SLC25A14: variants seen among roughly 807,000 people sequenced by gnomAD.
SLC25A14 encodes solute carrier family 25 member 14, also known as brain mitochondrial carrier protein 1.
Under a neutral mutation model 28.1 loss-of-function variants are expected in SLC25A14, and 8 were observed. The observed-to-expected ratio is 0.28, with a 90% confidence interval of 0.17 to 0.51. The LOEUF (loss-of-function observed/expected upper bound fraction) is 0.51. Among genes scored for constraint, SLC25A14 ranks in the 20% least tolerant of loss-of-function variants. SLC25A14 has a pLI of 0.97. For missense variants in SLC25A14, 135 were observed against 263.8 expected, an observed-to-expected ratio of 0.51 and a Z score of 3.38; for synonymous variants, 74 against 90.6, an observed-to-expected ratio of 0.82 and a Z score of 1.04.
chrX:130,341,086 C>T (rs2033245139), intron 2 of SLC25A14, among the ~76,000 whole-genome samples: 1 of 111,934 alleles, frequency 8.9e-6, no homozygotes, highest in African/African-American at 3.3e-5. Flanking sequence ...CCCTGCCCCT[C>T]TCCCTTACCT....
At chrX:130,344,613 G>T (rs1197976639) in intron 2 of SLC25A14, among the ~76,000 whole-genome samples, 1 of 111,799 alleles carries the variant, frequency 8.9e-6, no homozygotes, top group Non-Finnish European at 1.9e-5. Flanking sequence ...CATTCCTTTG[G>T]GCGCTAGAAG....
chrX:130,363,741 A>C (rs1198372377), intron 7 of SLC25A14, among the ~76,000 whole-genome samples: 2 of 110,816 alleles, frequency 1.8e-5, no homozygotes, highest in Non-Finnish European at 3.8e-5. Context: ...AATTTTTTTA[A>C]ATTTTTTTTT....
At chrX:130,358,994 C>G (rs557014728) in intron 7 of SLC25A14, 3 of 1,023,264 alleles carry the variant, frequency 2.9e-6, no homozygotes, top group African/African-American at 1.9e-5. Context: ...TGTAGTTGTT[C>G]AGTGTATTTT....
intron 9 of SLC25A14, among the ~76,000 whole-genome samples, chrX:130,366,831 T>C (rs1430885326): frequency 8.9e-6 from 1 of 112,112 alleles, no homozygotes; most frequent in Non-Finnish European, 1.9e-5. Context: ...GGGAGAACTT[T>C]CGCAGCTCCC....
At chrX:130,355,928 C>T (rs748494286) in intron 6 of SLC25A14, among the ~76,000 whole-genome samples, 1 of 111,575 alleles carries the variant, frequency 9.0e-6, no homozygotes, top group East Asian at 2.8e-4. Flanking sequence ...TTCTCTAAAT[C>T]TTCTCTCTCT....
chrX:130,358,611 A>G lies in SLC25A14; in HGVS notation c.499-29A>G. On this transcript the variant is annotated intron_variant, in intron 6 of 10. Coordinates refer to ENST00000545805, the MANE Select transcript of SLC25A14 (RefSeq NM_001282195.2). Reference sequence around the variant, plus strand: ...TTAGCATTTTGGTTCTCTCTGACAAAATAAGATGTTCACCTCTTTTCATTT... The same window carrying G: ...TTAGCATTTTGGTTCTCTCTGACAAGATAAGATGTTCACCTCTTTTCATTT... 3 of 1,024,014 alleles carry G rather than the reference A, an allele frequency of 2.9e-6. No homozygotes were observed. The South Asian group carries it at 6.1e-5, about 21-fold the overall frequency. 84.4% of individuals were successfully genotyped at this position (1,024,014 alleles called of 1,213,427 possible). A position where few individuals can be genotyped will look rare whatever the true frequency, so the allele number is the denominator to read the frequency against.
At chrX:130,362,101 T>TTTTTTTTA (rs761984339) in intron 7 of SLC25A14, among the ~76,000 whole-genome samples, 13 of 95,744 alleles carry the variant, frequency 1.4e-4, no homozygotes, top group African/African-American at 2.0e-4. Flanking sequence ...TTCCACTTCA[T>TTTTTTTTA]TTTATTTATT....
At chrX:130,346,179 G>A (rs181693726) in intron 3 of SLC25A14, among the ~76,000 whole-genome samples, 1 of 111,318 alleles carries the variant, frequency 9.0e-6, no homozygotes, top group African/African-American at 3.3e-5. Context: ...AGACACAGAG[G>A]TGGGGAGACT....
chrX:130,340,114 C>T lies in SLC25A14; in HGVS notation c.-165C>T. ...GTCTCTCTCTCCCCTCAGCTGAGTC[C>T]CTTCCCTGTCTTTCACTCTTCTGGC... On this transcript the variant is annotated 5_prime_UTR_variant, in exon 2 of 11. Coordinates refer to ENST00000545805, the MANE Select transcript of SLC25A14 (RefSeq NM_001282195.2). The T allele has an allele frequency of 9.1e-7, 1 of 1,093,981 alleles. No homozygotes were observed. Among genetic ancestry groups the T allele is most frequent in the Non-Finnish European group, 1.2e-6 (1 of 842,997 alleles). The allele number at this position is 1,093,981 out of a possible 1,213,427, so 90.2% of individuals were successfully genotyped here. A position where few individuals can be genotyped will look rare whatever the true frequency, so the allele number is the denominator to read the frequency against.
chrX:130,359,352 CAAAAAAAAAAAAA>C (rs55826694), intron 7 of SLC25A14, among the ~76,000 whole-genome samples: 1 of 26,235 alleles, frequency 3.8e-5, no homozygotes, highest in African/African-American at 1.3e-4. Context: ...GACTCTGTCT[CAAAAAAAAAAAAA>C]AAAAAAAAAA....
At chrX:130,349,392 G>A in intron 5 of SLC25A14, 47 bp downstream of exon 5, 1 of 830,393 alleles carries the variant, frequency 1.2e-6, no homozygotes, top group Non-Finnish European at 1.8e-6. Context: ...AGGGATTGTT[G>A]AAATCATGCT....
intron 6 of SLC25A14, among the ~76,000 whole-genome samples, chrX:130,357,527 A>G (rs2033830099): frequency 8.9e-6 from 1 of 112,211 alleles, no homozygotes; most frequent in African/African-American, 3.2e-5. Flanking sequence ...ACAGTGTATT[A>G]GTAGTTTTCA....
At chrX:130,351,031 G>A (rs189514544) in intron 6 of SLC25A14, among the ~76,000 whole-genome samples, 1 of 111,545 alleles carries the variant, frequency 9.0e-6, no homozygotes, top group Admixed American at 9.5e-5. Context: ...ACTGGGGTAT[G>A]CAAGACCCTA....
chrX:130,345,053 A>T, intron 2 of SLC25A14, 129 bp from the exon 3 acceptor site: 1 of 479,124 alleles, frequency 2.1e-6, no homozygotes, highest in Admixed American at 3.6e-5. Context: ...TTTTTGTGTC[A>T]TTCCACTTGG....
In SLC25A14 at chrX:130,350,682, T is replaced by C; in HGVS notation, c.449T>C (p.Val150Ala). ...TTAATTAATATGATCTGTGGGGTAG[T>C]GTCAGGAGTGATATCTTCCACTATA... Reference protein sequence around the residue: ...TLLINMICGVVSGVISSTIAN... With the variant: ...TLLINMICGVASGVISSTIAN... The change falls in exon 6 of 11, where the codon GTG becomes GCG. Residue 150 changes from valine to alanine, a missense_variant. Transcript: ENST00000545805. The C allele has an allele frequency of 8.5e-7, 1 of 1,174,634 alleles. No individual in the cohort carries two copies. Among genetic ancestry groups the C allele is most frequent in the Non-Finnish European group, 1.2e-6 (1 of 864,607 alleles).
chrX:130,354,239 G>A (rs1340539934), intron 6 of SLC25A14, among the ~76,000 whole-genome samples: 2 of 109,744 alleles, frequency 1.8e-5, no homozygotes, highest in Non-Finnish European at 3.8e-5. Context: ...TCAGCCTCCT[G>A]AGTAGCTGGG....
intron 7 of SLC25A14, among the ~76,000 whole-genome samples, chrX:130,362,963 C>A (rs777862874): frequency 5.2e-4 from 58 of 112,331 alleles, no homozygotes; most frequent in South Asian, 7.3e-4. Context: ...TCTCTTCTCC[C>A]CACTGATTTT....
At chrX:130,369,318 A>G (rs2034207787) in intron 9 of SLC25A14, among the ~76,000 whole-genome samples, 1 of 111,358 alleles carries the variant, frequency 9.0e-6, no homozygotes, top group African/African-American at 3.3e-5. Context: ...ATGGCTCACA[A>G]GAGTGTTAGA....
At chrX:130,354,263 G>A (rs12389649) in intron 6 of SLC25A14, among the ~76,000 whole-genome samples, 134 of 110,332 alleles carry the variant, frequency 1.2e-3, no homozygotes, top group African/African-American at 4.1e-3. Flanking sequence ...ACAGGCGCCC[G>A]CCACCACACC....
Sources: gnomAD v4.1 joint callset for allele counts (sites outside exome capture counted in the v4.1 genomes callset) on GRCh38, gnomAD v4.1.1 for gene constraint, MANE v1.5 for transcripts, NCBI Gene and HGNC (gene_info 2026-07-23, HGNC 2026-07-21) for gene names.